CDH10: variants seen among roughly 807,000 people sequenced by gnomAD.
The protein encoded by CDH10 is cadherin-10.
CDH10 carries 30 observed loss-of-function variants against 73.1 expected under a neutral mutation model. The observed-to-expected ratio is 0.41, with a 90% confidence interval of 0.31 to 0.56. The LOEUF (loss-of-function observed/expected upper bound fraction) is 0.56, where lower values mean the gene tolerates loss of function less well. Among genes scored for constraint, CDH10 ranks in the 20% least tolerant of loss-of-function variants. The probability of loss-of-function intolerance (pLI) is 0.27; values close to 1 mark genes in which losing one functional copy is unlikely to be tolerated. For missense variants in CDH10, 815 were observed against 973.7 expected (o/e 0.84, Z 2.17); for synonymous variants, 345 against 348.2 (o/e 0.99, Z 0.10).
At chr5:24,547,500 A>G (rs183921012) in intron 2 of CDH10, among the ~76,000 whole-genome samples, 10 of 152,276 alleles carry the variant, frequency 6.6e-5, no homozygotes, top group Admixed American at 1.3e-4. Context: ...AGAAAAAAAA[A>G]TAAGAGTTTT....
chr5:24,619,340 CCCA>C, intron 1 of CDH10, among the ~76,000 whole-genome samples: 1 of 152,190 alleles, frequency 6.6e-6, no homozygotes, highest in South Asian at 2.1e-4. Context: ...ACTACAGGCA[CCCA>C]CCACCACGCC....
intron 2 of CDH10, among the ~76,000 whole-genome samples, chr5:24,567,885 C>G (rs542589462): frequency 6.6e-6 from 1 of 152,132 alleles, no homozygotes; most frequent in African/African-American, 2.4e-5. Flanking sequence ...ACTATGTATG[C>G]ATTTTTTCTT....
intron 9 of CDH10, among the ~76,000 whole-genome samples, chr5:24,497,133 T>C (rs1336498128): frequency 6.6e-6 from 1 of 151,902 alleles, no homozygotes; most frequent in African/African-American, 2.4e-5. Flanking sequence ...AAAAAGAAAA[T>C]AGACAGAAGG....
chr5:24,596,506 C>G (rs1030966391), intron 1 of CDH10, among the ~76,000 whole-genome samples: 5 of 151,868 alleles, frequency 3.3e-5, no homozygotes, highest in Non-Finnish European at 5.9e-5. Context: ...AGGGTGTTAG[C>G]TAAATTAATT....
intron 2 of CDH10, among the ~76,000 whole-genome samples, chr5:24,563,661 TC>T (rs1745048404): frequency 6.9e-6 from 1 of 144,464 alleles, no homozygotes; most frequent in African/African-American, 2.6e-5. Flanking sequence ...TCCCAGCTAC[TC>T]CGGAGGCTGA....
chr5:24,537,048 T>G (rs145679444), intron 3 of CDH10, among the ~76,000 whole-genome samples: 206 of 152,074 alleles, frequency 1.4e-3, no homozygotes, highest in African/African-American at 4.6e-3. Flanking sequence ...ATTTATATTA[T>G]ATTTGGGATC....
intron 1 of CDH10, among the ~76,000 whole-genome samples, chr5:24,629,974 C>T (rs1747649922): frequency 6.6e-6 from 1 of 152,046 alleles, no homozygotes. Flanking sequence ...GTTAGTATAC[C>T]TGTCTGTAAA....
intron 1 of CDH10, among the ~76,000 whole-genome samples, chr5:24,596,884 C>A (rs2112103723): frequency 6.6e-6 from 1 of 151,798 alleles, no homozygotes; most frequent in South Asian, 2.1e-4. Flanking sequence ...GAAATAAAAG[C>A]TAAATTTTAG....
chr5:24,526,847 G>C (rs1312419894), intron 5 of CDH10, among the ~76,000 whole-genome samples: 1 of 151,658 alleles, frequency 6.6e-6, no homozygotes, highest in East Asian at 1.9e-4. Flanking sequence ...ACCCTTTCAT[G>C]ATGCTAACAA....
chr5:24,638,060 A>C (rs546157303), intron 1 of CDH10, among the ~76,000 whole-genome samples: 80 of 151,864 alleles, frequency 5.3e-4, no homozygotes, highest in Middle Eastern at 3.4e-3. Flanking sequence ...TTCAGATTTC[A>C]TACTCTATAT....
intron 2 of CDH10, among the ~76,000 whole-genome samples, chr5:24,579,366 T>C (rs1465264058): frequency 1.3e-5 from 2 of 150,322 alleles, no homozygotes; most frequent in Non-Finnish European, 3.0e-5. Flanking sequence ...TATACATAAA[T>C]ATACATCTAT....
intron 1 of CDH10, among the ~76,000 whole-genome samples, chr5:24,628,092 G>A (rs1174254278): frequency 6.6e-6 from 1 of 151,970 alleles, no homozygotes; most frequent in Non-Finnish European, 1.5e-5. Context: ...TTTTCCCAGG[G>A]GAAATAAAAA....
chr5:24,622,255 C>CAAAT (rs1414675215), intron 1 of CDH10, among the ~76,000 whole-genome samples: 2 of 1,782 alleles, frequency 1.1e-3, no homozygotes, highest in Non-Finnish European at 2.0e-3. Context: ...ATTTGATGTG[C>CAAAT]GAATGTTGAC....
At chr5:24,606,912 T>C (rs1192901762) in intron 1 of CDH10, among the ~76,000 whole-genome samples, 1 of 152,202 alleles carries the variant, frequency 6.6e-6, no homozygotes, top group African/African-American at 2.4e-5. Flanking sequence ...AATAAAAAGA[T>C]GCCCTAAATT....
chr5:24,585,627 T>C (rs964037930), intron 2 of CDH10, among the ~76,000 whole-genome samples: 4 of 152,142 alleles, frequency 2.6e-5, no homozygotes, highest in African/African-American at 9.7e-5. Flanking sequence ...TTTCACCATA[T>C]TGTCCAGGCT....
At chr5:24,512,449 C>T (rs1003759857) in intron 5 of CDH10, among the ~76,000 whole-genome samples, 2 of 152,274 alleles carry the variant, frequency 1.3e-5, no homozygotes, top group East Asian at 1.9e-4. Context: ...ATTTACTACT[C>T]ATACTTATTT....
chr5:24,610,693 G>A (rs1436926752), intron 1 of CDH10, among the ~76,000 whole-genome samples: 1 of 151,988 alleles, frequency 6.6e-6, no homozygotes, highest in African/African-American at 2.4e-5. Flanking sequence ...GCATTTTATT[G>A]TTCTCAGTTC....
In CDH10 at chr5:24,586,843, C is replaced by CTTTTTTTTTTTTTTTTTTTTT. The variant is rs1001227038; in HGVS notation, c.231+6416_231+6417insAAAAAAAAAAAAAAAAAAAAA. Among the ~76,000 whole-genome samples the CTTTTTTTTTTTTTTTTTTTTT allele has an allele frequency of 8.8e-5, 9 of 102,754 alleles. 2 individuals are homozygous for CTTTTTTTTTTTTTTTTTTTTT. The highest frequency in any genetic ancestry group is 2.5e-4 in the African/African-American group (6 of 23,778). The allele number at this position is 102,754 out of a possible 152,430, so 67.4% of individuals were successfully genotyped here. ...GTAAAACAATAAGATAGCCCATATT[C>CTTTTTTTTTTTTTTTTTTTTT]TTTTTTTTTTTTTTTTTTTGAGCCG... On this transcript the variant is annotated intron_variant, in intron 2 of 11. Coordinates refer to ENST00000264463, the MANE Select transcript of CDH10 (RefSeq NM_006727.5).
At chr5:24,590,954 A>C (rs1247715834) in intron 2 of CDH10, among the ~76,000 whole-genome samples, 3 of 152,052 alleles carry the variant, frequency 2.0e-5, no homozygotes, top group African/African-American at 7.2e-5. Flanking sequence ...GGATGTAAAA[A>C]CCGGAATAAT....
Sources: allele counts gnomAD v4.1 joint callset (sites outside exome capture counted in the v4.1 genomes callset), GRCh38; gene constraint gnomAD v4.1.1; transcripts MANE v1.5; gene names NCBI Gene and HGNC (gene_info 2026-07-23, HGNC 2026-07-21).